The following C1orf21 variants were observed in gnomAD, a reference collection of about 807,000 sequenced individuals.
C1orf21 encodes the protein uncharacterized protein C1orf21.
C1orf21 carries 3 observed loss-of-function variants against 18.7 expected under a neutral mutation model. The ratio of observed to expected loss-of-function variants is 0.16; its 90% CI spans 0.07 to 0.42. The LOEUF (loss-of-function observed/expected upper bound fraction) is 0.42. Ranked by LOEUF, C1orf21 falls within the 10% of genes least tolerant of loss-of-function variation. The pLI, the probability that C1orf21 is intolerant of heterozygous loss-of-function variation, is 0.99. For synonymous variants in C1orf21, 41 were observed against 46.4 expected (o/e 0.88, Z 0.47); for missense variants, 104 against 143.6 (o/e 0.72, Z 1.41).
At chr1:184,410,443 A>C (rs375738325) in intron 1 of C1orf21, among the ~76,000 whole-genome samples, 1 of 150,258 alleles carries the variant, frequency 6.7e-6, no homozygotes, top group East Asian at 1.9e-4. Context: ...CCAGGTGGAC[A>C]TATTTCTGTA....
At chr1:184,444,196 T>C (rs1656993652) in intron 1 of C1orf21, among the ~76,000 whole-genome samples, 1 of 152,188 alleles carries the variant, frequency 6.6e-6, no homozygotes, top group South Asian at 2.1e-4. Context: ...CTTTGTACAG[T>C]AACTACCTTG....
chr1:184,603,624 G>T (rs1190183192), intron 5 of C1orf21, among the ~76,000 whole-genome samples: 1 of 152,094 alleles, frequency 6.6e-6, no homozygotes, highest in East Asian at 1.9e-4. Context: ...GTGAAACCCT[G>T]TCTATACTAA....
chr1:184,501,351 G>T (rs889485622), intron 2 of C1orf21, among the ~76,000 whole-genome samples: 1 of 151,966 alleles, frequency 6.6e-6, no homozygotes, highest in Non-Finnish European at 1.5e-5. Context: ...GCTCCCTTTG[G>T]CTTTGGAATT....
chr1:184,414,011 A>G (rs1656406783), intron 1 of C1orf21, among the ~76,000 whole-genome samples: 2 of 152,168 alleles, frequency 1.3e-5, no homozygotes, highest in African/African-American at 4.8e-5. Context: ...ACAATAACAT[A>G]ATATTTATGT....
At chr1:184,509,844 C>T (rs1207805056) in intron 3 of C1orf21, among the ~76,000 whole-genome samples, 3 of 152,126 alleles carry the variant, frequency 2.0e-5, no homozygotes, top group Non-Finnish European at 4.4e-5. Context: ...CAAACACAAC[C>T]AAGGAAGTAT....
At position 184,626,296 on chromosome 1, in the gene C1orf21, G is replaced by C. The variant is rs533551597; in HGVS notation, c.*6740G>C. On this transcript the variant is annotated 3_prime_UTR_variant, in exon 6 of 6. Coordinates refer to ENST00000235307, the MANE Select transcript of C1orf21 (RefSeq NM_030806.4). ...CAGCCAGCCCAGTTTTGGCAATCAGGGGCTTCCTGAAAGAGGTGACATCAA... is the reference window on the plus strand; with the variant it reads ...CAGCCAGCCCAGTTTTGGCAATCAGCGGCTTCCTGAAAGAGGTGACATCAA... 2.0e-5 allele frequency: 3 copies of C among 152,316 alleles called. No individual in the cohort carries two copies. Among genetic ancestry groups the C allele is most frequent in the African/African-American group, 7.2e-5 (3 of 41,546 alleles). 9.4% of individuals were successfully genotyped at this position (152,316 alleles called of 1,614,324 possible).
intron 3 of C1orf21, among the ~76,000 whole-genome samples, chr1:184,586,966 G>T (rs1659363487): frequency 6.6e-6 from 1 of 152,142 alleles, no homozygotes; most frequent in Non-Finnish European, 1.5e-5. Context: ...TGTATATCGT[G>T]TAAGGAAGGG....
At chr1:184,416,198 T>C (rs1236903536) in intron 1 of C1orf21, among the ~76,000 whole-genome samples, 2 of 152,216 alleles carry the variant, frequency 1.3e-5, no homozygotes, top group Non-Finnish European at 2.9e-5. Flanking sequence ...TTTGGATGAG[T>C]GCTTTCTAAA....
chr1:184,421,223 C>T (rs1183376549), intron 1 of C1orf21, among the ~76,000 whole-genome samples: 2 of 152,100 alleles, frequency 1.3e-5, no homozygotes, highest in African/African-American at 4.8e-5. Context: ...AACTCCTGAG[C>T]TCAAGGGCCT....
chr1:184,600,398 A>G (rs1659570978), intron 5 of C1orf21, among the ~76,000 whole-genome samples: 1 of 152,136 alleles, frequency 6.6e-6, no homozygotes, highest in Non-Finnish European at 1.5e-5. Context: ...AACTCCTGAC[A>G]TCAGGTGATC....
chr1:184,542,394 T>A (rs1188055703), intron 3 of C1orf21, among the ~76,000 whole-genome samples: 1 of 152,142 alleles, frequency 6.6e-6, no homozygotes, highest in Non-Finnish European at 1.5e-5. Context: ...TGGAGCTAGA[T>A]TCAAACCCAA....
At chr1:184,585,981 A>G (rs970888766) in intron 3 of C1orf21, among the ~76,000 whole-genome samples, 2 of 152,176 alleles carry the variant, frequency 1.3e-5, no homozygotes, top group Non-Finnish European at 2.9e-5. Context: ...TGGGTATATA[A>G]TCGGTAATGG....
At chr1:184,567,273 AG>A in intron 3 of C1orf21, 1 of 461,404 alleles carries the variant, frequency 2.2e-6, no homozygotes. Context: ...GAGACTGTAA[AG>A]GAATTTTTCA....
intron 3 of C1orf21, among the ~76,000 whole-genome samples, chr1:184,562,693 T>G (rs1396959586): frequency 6.6e-6 from 1 of 152,250 alleles, no homozygotes; most frequent in East Asian, 1.9e-4. Flanking sequence ...AAGCAAGTAT[T>G]AAAAGTGCTG....
chr1:184,538,466 T>C (rs1658594255), intron 3 of C1orf21, among the ~76,000 whole-genome samples: 1 of 152,224 alleles, frequency 6.6e-6, no homozygotes, highest in Non-Finnish European at 1.5e-5. Context: ...CTTTTCATTT[T>C]CATGAAATCC....
At chr1:184,419,283 A>C (rs186717375) in intron 1 of C1orf21, among the ~76,000 whole-genome samples, 2 of 152,314 alleles carry the variant, frequency 1.3e-5, no homozygotes, top group Admixed American at 6.5e-5. Flanking sequence ...GTAAAACGAT[A>C]TCCTGTGCAT....
chr1:184,541,783 C>T (rs143387412), intron 3 of C1orf21, among the ~76,000 whole-genome samples: 224 of 152,198 alleles, frequency 1.5e-3, no homozygotes, highest in Middle Eastern at 0.014. Flanking sequence ...GGTGTGCCAA[C>T]GAATGTGTTT....
At chr1:184,435,423 A>T (rs565160531) in intron 1 of C1orf21, among the ~76,000 whole-genome samples, 2 of 152,304 alleles carry the variant, frequency 1.3e-5, no homozygotes, top group South Asian at 2.1e-4. Flanking sequence ...AGCTCACTGC[A>T]ACCTCCGCCT....
chr1:184,578,539 A>G (rs1659226783), intron 3 of C1orf21, among the ~76,000 whole-genome samples: 1 of 152,374 alleles, frequency 6.6e-6, no homozygotes, highest in South Asian at 2.1e-4. Flanking sequence ...CTGTTCCACT[A>G]CAGTAAGCTA....
Sources: gnomAD v4.1 joint callset for allele counts (sites outside exome capture counted in the v4.1 genomes callset) on GRCh38, gnomAD v4.1.1 for gene constraint, MANE v1.5 for transcripts, NCBI Gene and HGNC (gene_info 2026-07-23, HGNC 2026-07-21) for gene names.